EHBP1L1: variants seen among roughly 807,000 people sequenced by gnomAD.
EHBP1L1 encodes EH domain binding protein 1 like 1, also known as EH domain-binding protein 1-like protein 1.
EHBP1L1 carries 122 observed loss-of-function variants against 151.1 expected under a neutral mutation model. The observed-to-expected ratio is 0.81, with a 90% CI of 0.70 to 0.94. The LOEUF (loss-of-function observed/expected upper bound fraction) is 0.94. Ranked by LOEUF, EHBP1L1 falls within the 40% of genes least tolerant of loss-of-function variation. The pLI, the probability that EHBP1L1 is intolerant of heterozygous loss-of-function variation, is 0.00. For missense variants in EHBP1L1, 1,941 were observed against 1,959.8 expected, an observed-to-expected ratio of 0.99 and a Z score of 0.18; for synonymous variants, 878 against 810.1, an observed-to-expected ratio of 1.08 and a Z score of -1.42.
intron 3 of EHBP1L1, 111 bp downstream of exon 3, chr11:65,579,547 G>A: frequency 1.1e-6 from 1 of 943,512 alleles, no homozygotes; most frequent in South Asian, 2.0e-5. Context: ...GGATGCGGGG[G>A]GTGAGGCCAA....
In EHBP1L1 at chr11:65,580,080, G is replaced by A; in HGVS notation, c.313-1G>A. The A allele has an allele frequency of 1.2e-6, 2 of 1,612,484 alleles. No homozygotes were observed. The highest frequency in any genetic ancestry group is 1.7e-6 in the Non-Finnish European group (2 of 1,178,764). ...CTCCTGGTCTCTCCCCTGGCCCACA[G>A]GAGTCTAAGGGGCAGCGGAAGGTGC... On this transcript the variant is annotated splice_acceptor_variant, in intron 4 of 18. Transcript: ENST00000309295. LOFTEE classifies it high-confidence loss of function.
intron 16 of EHBP1L1, among the ~76,000 whole-genome samples, chr11:65,590,945 C>T (rs1390168345): frequency 6.6e-6 from 1 of 152,040 alleles, no homozygotes; most frequent in Non-Finnish European, 1.5e-5. Flanking sequence ...GCAGGAGAAT[C>T]GCTTGAACCT....
chr11:65,579,859 C>A, intron 3 of EHBP1L1, 77 bp from the exon 4 acceptor site: 1 of 1,507,000 alleles, frequency 6.6e-7, no homozygotes, highest in South Asian at 1.2e-5. Context: ...CTACCAAGCA[C>A]CTCCTGAGCC....
At position 65,583,393 on chromosome 11, in the gene EHBP1L1, T is replaced by G. The variant is rs555603723; in HGVS notation, c.2721T>G (p.Thr907=). The change falls in exon 9 of 19, where the codon ACT becomes ACG. Residue 907 remains threonine, a synonymous_variant. Coordinates refer to ENST00000309295, the MANE Select transcript of EHBP1L1 (RefSeq NM_001099409.3). ...LKYEALRAPV[T]QPRVLGSQEA... ...ATGAGGCTTTAAGGGCCCCAGTCAC[T>G]CAGCCAAGAGTTTTAGGATCCCAGG... 1.9e-6 allele frequency: 3 copies of G among 1,613,452 alleles called. No individual in the cohort carries two copies. Among genetic ancestry groups the G allele is most frequent in the African/African-American group, 1.3e-5 (1 of 74,938 alleles).
At chr11:65,584,706 G>C in intron 11 of EHBP1L1, 172 bp downstream of exon 11, 1 of 1,082,234 alleles carries the variant, frequency 9.2e-7, no homozygotes, top group Non-Finnish European at 1.3e-6. Flanking sequence ...TCGTTTGTTT[G>C]TTTTAAAGCG....
chr11:65,592,099 C>G lies in EHBP1L1; in HGVS notation c.4472+9C>G. The G allele has an allele frequency of 6.2e-7, 1 of 1,612,166 alleles. No homozygotes were observed. The highest frequency in any genetic ancestry group is 8.5e-7 in the Non-Finnish European group (1 of 1,178,944). On this transcript the variant is annotated intron_variant, in intron 18 of 18. Transcript: ENST00000309295. ...GACCACAAGGAGCGGATGTGAGTGGCGCTGGGCGGCGCTGGGAGTTGGGAG... is the reference window on the plus strand; with the variant it reads ...GACCACAAGGAGCGGATGTGAGTGGGGCTGGGCGGCGCTGGGAGTTGGGAG...
In EHBP1L1 at chr11:65,580,117, G is replaced by A. The variant is rs764621871; in HGVS notation, c.349G>A (p.Glu117Lys). 48 of 1,613,284 alleles carry A rather than the reference G, an allele frequency of 3.0e-5. No individual in the cohort carries two copies. The highest frequency in any genetic ancestry group is 3.6e-5 in the Non-Finnish European group (43 of 1,179,730). Residue 117 changes from glutamate to lysine, a missense_variant, in exon 5 of 19, where the codon GAG becomes AAG. Coordinates refer to ENST00000309295, the MANE Select transcript of EHBP1L1 (RefSeq NM_001099409.3). Reference protein sequence around the residue: ...KGQRKVLATAEVDLARHAGPV... With the variant: ...KGQRKVLATAKVDLARHAGPV... The stretch of plus-strand genomic sequence containing the variant: ...GCAGCGGAAGGTGCTGGCCACGGCC[G>A]AGGTGGACCTGGCCCGCCATGCAGG...
At chr11:65,587,729 TG>T (rs1858047170) in intron 12 of EHBP1L1, among the ~76,000 whole-genome samples, 1 of 152,120 alleles carries the variant, frequency 6.6e-6, no homozygotes, top group African/African-American at 2.4e-5. Flanking sequence ...AGGGTGTGAC[TG>T]GCCCCAAGGC....
In EHBP1L1 at chr11:65,585,447, G is replaced by C. The variant is rs185143614; in HGVS notation, c.3789G>C (p.Gly1263=). 3 of 1,511,288 alleles carry C rather than the reference G, an allele frequency of 2.0e-6. No homozygotes were observed. The highest frequency in any genetic ancestry group is 2.0e-4 in the Middle Eastern group (1 of 5,094). 93.6% of individuals were successfully genotyped at this position (1,511,288 alleles called of 1,614,324 possible). ...LRRPSVNGEP[G]SVPPPRAHGS... Reference sequence around the variant, plus strand: ...GGCCCTCGGTCAACGGGGAGCCCGGGTCGGTGCCCCCGCCCCGCGCGCACG... The same window carrying C: ...GGCCCTCGGTCAACGGGGAGCCCGGCTCGGTGCCCCCGCCCCGCGCGCACG... Residue 1263 remains glycine, a synonymous_variant, in exon 12 of 19, where the codon GGG becomes GGC. Coordinates refer to ENST00000309295, the MANE Select transcript of EHBP1L1 (RefSeq NM_001099409.3). This position sits in a 1 kb window ranked among gnomAD's most constrained non-coding sequence, Gnocchi z 4.0.
At position 65,582,550 on chromosome 11, in the gene EHBP1L1, A is replaced by G; in HGVS notation, c.1878A>G (p.Ala626=). Residue 626 remains alanine (A), a synonymous_variant, in exon 9 of 19, where the codon GCA becomes GCG. Transcript: ENST00000309295. ...RVLESEVAGT[A]QCEGLETQET... Reference sequence around the variant, plus strand: ...TGGAGTCAGAGGTTGCTGGGACAGCACAGTGTGAGGGACTGGAGACCCAGG... The same window carrying G: ...TGGAGTCAGAGGTTGCTGGGACAGCGCAGTGTGAGGGACTGGAGACCCAGG... 1.2e-6 allele frequency: 2 copies of G among 1,613,520 alleles called. No homozygotes were observed. Among genetic ancestry groups the G allele is most frequent in the South Asian group, 1.1e-5 (1 of 91,086 alleles).
rs867152073 is a variant in EHBP1L1, at chr11:65,582,923, G to T, written c.2251G>T (p.Ala751Ser). ...AEIAESDILV[A>S]QEIEVGLLGV... ...GATAGCAGAGTCTGACATATTGGTA[G>T]CCCAGGAGATAGAGGTGGGACTTTT... is the stretch of plus-strand genomic sequence containing the variant. Residue 751 changes from alanine (A) to serine (S), a missense_variant, in exon 9 of 19, where the codon GCC becomes TCC. By Grantham distance (99) the Ala-to-Ser change is moderately conservative. Coordinates refer to ENST00000309295, the MANE Select transcript of EHBP1L1 (RefSeq NM_001099409.3). The T allele has an allele frequency of 3.1e-6, 5 of 1,613,122 alleles. No individual in the cohort carries two copies. The highest frequency in any genetic ancestry group is 4.2e-6 in the Non-Finnish European group (5 of 1,179,648).
At position 65,582,869 on chromosome 11, in the gene EHBP1L1, G is replaced by C. The variant is rs751496593; in HGVS notation, c.2197G>C (p.Asp733His). The change falls in exon 9 of 19, where the codon GAT becomes CAT. Residue 733 changes from aspartate to histidine, a missense_variant. Transcript: ENST00000309295. ...AGGGACCCAGGAGATAACAGCTAGGGATTCAGGGGTCAGAGAGATAGAAGC... is the reference window on the plus strand; with the variant it reads ...AGGGACCCAGGAGATAACAGCTAGGCATTCAGGGGTCAGAGAGATAGAAGC... The part of the protein sequence containing the change: ...ILGTQEITAR[D>H]SGVREIEAEI... The C allele has an allele frequency of 6.2e-7, 1 of 1,613,620 alleles. No individual in the cohort carries two copies.
At position 65,590,500 on chromosome 11, in the gene EHBP1L1, C is replaced by T. The variant is rs1200690847; in HGVS notation, c.4191C>T (p.Asn1397=). The T allele has an allele frequency of 1.2e-6, 2 of 1,613,140 alleles. No individual in the cohort carries two copies. The highest frequency in any genetic ancestry group is 1.3e-5 in the African/African-American group (1 of 74,904). Residue 1397 remains asparagine, a synonymous_variant, in exon 16 of 19, where the codon AAC becomes AAT. Transcript: ENST00000309295. ...QLRSLMESGA[N]KLQEEVLIQE... ...TGTCCCTGTCCAATGCAGGTGCCAA[C>T]AAGCTGCAGGAGGAGGTGCTGATCC...
chr11:65,579,152 A>G lies in EHBP1L1; in HGVS notation c.162+17A>G. On this transcript the variant is annotated intron_variant, in intron 2 of 18. Transcript: ENST00000309295. Reference sequence around the variant, plus strand: ...TGCTCCAAGGTGGGGAAGGATGGCAACTGGGGATCCAGGTTAGGGATGGGG... The same window carrying G: ...TGCTCCAAGGTGGGGAAGGATGGCAGCTGGGGATCCAGGTTAGGGATGGGG... 7 of 1,584,304 alleles carry G rather than the reference A, an allele frequency of 4.4e-6. No homozygotes were observed. The highest frequency in any genetic ancestry group is 6.0e-6 in the Non-Finnish European group (7 of 1,165,392).
At chr11:65,580,552 C>CT in intron 6 of EHBP1L1, 73 bp downstream of exon 6, 1 of 1,556,024 alleles carries the variant, frequency 6.4e-7, no homozygotes, top group Non-Finnish European at 8.7e-7. Context: ...CCACCAGCCA[C>CT]TTGCTGTGCC....
chr11:65,584,553 C>G lies in EHBP1L1; in HGVS notation c.3300+19C>G, dbSNP rs762893488. The G allele has an allele frequency of 6.2e-7, 1 of 1,608,342 alleles. No individual in the cohort carries two copies. The highest frequency in any genetic ancestry group is 8.5e-7 in the Non-Finnish European group (1 of 1,177,856). On this transcript the variant is annotated intron_variant, in intron 11 of 18. Coordinates refer to ENST00000309295, the MANE Select transcript of EHBP1L1 (RefSeq NM_001099409.3). ...CAAGCAGGTGAGATGGGGTGGGGGACTGCCTGGAGGGAAGGAGGGTCTGGA... is the reference window on the plus strand; with the variant it reads ...CAAGCAGGTGAGATGGGGTGGGGGAGTGCCTGGAGGGAAGGAGGGTCTGGA...
Position 65,590,228 on chromosome 11 carries a change from G to T in EHBP1L1, c.4183+18G>T. 6.2e-7 allele frequency: 1 copy of T among 1,611,044 alleles called. No individual in the cohort carries two copies. The highest frequency in any genetic ancestry group is 8.5e-7 in the Non-Finnish European group (1 of 1,179,118). ...GGAGTCAGGTGGGGCATACATCTAGGGATCCCTTCCCCAACACATGCCACT... is the reference window on the plus strand; with the variant it reads ...GGAGTCAGGTGGGGCATACATCTAGTGATCCCTTCCCCAACACATGCCACT... On this transcript the variant is annotated intron_variant, in intron 15 of 18. Transcript: ENST00000309295.
At chr11:65,584,716 G>A (rs1257426994) in intron 11 of EHBP1L1, 182 bp downstream of exon 11, 8 of 1,057,136 alleles carry the variant, frequency 7.6e-6, no homozygotes, top group Non-Finnish European at 9.5e-6. Context: ...GTTTTAAAGC[G>A]TTTTTCCTCC....
At chr11:65,591,509 G>A (rs1330134884) in intron 16 of EHBP1L1, 1 of 538,686 alleles carries the variant, frequency 1.9e-6, no homozygotes, top group Admixed American at 3.4e-5. Flanking sequence ...CAGAATAACT[G>A]TAGCCAGTGC....
Sources: gnomAD v4.1 joint callset for allele counts (sites outside exome capture counted in the v4.1 genomes callset) on GRCh38, gnomAD v4.1.1 for gene constraint, Gnocchi (gnomAD v3.1) non-coding constraint, MANE v1.5 for transcripts, NCBI Gene and HGNC (gene_info 2026-07-23, HGNC 2026-07-21) for gene names.